GRIN2B: variants seen among roughly 807,000 people sequenced by gnomAD.
The protein encoded by GRIN2B is glutamate receptor ionotropic, NMDA 2B.
In GRIN2B, 5 loss-of-function variants were observed where a neutral mutation model predicts 114.5. The observed-to-expected ratio is 0.04, with a 90% CI of 0.02 to 0.09. GRIN2B has a LOEUF of 0.09. Among genes scored for constraint, GRIN2B ranks in the 10% least tolerant of loss-of-function variants. GRIN2B has a pLI of 1.00. For missense variants in GRIN2B, 1,108 were observed against 1,943.5 expected (o/e 0.57, Z 8.08); for synonymous variants, 787 against 745.1 (o/e 1.06, Z -0.92).
Position 13,870,286 on chromosome 12 carries a change from G to A in GRIN2B, c.-18-4060C>T, listed in dbSNP as rs958552028. ...GGGAATCAGTGGAGCTCAGCATATC[G>A]AAATCATGCCATGAATTCAGAAACC... On this transcript the variant is annotated intron_variant, in intron 2 of 13. Coordinates refer to ENST00000609686, the MANE Select transcript of GRIN2B (RefSeq NM_000834.5). Among the ~76,000 whole-genome samples the A allele has an allele frequency of 2.6e-5, 4 of 152,114 alleles. No individual in the cohort carries two copies. The South Asian group carries it at 6.2e-4, about 24-fold the overall frequency.
chr12:13,944,597 G>A (rs1867329816), intron 2 of GRIN2B, among the ~76,000 whole-genome samples: 1 of 152,082 alleles, frequency 6.6e-6, no homozygotes, highest in Non-Finnish European at 1.5e-5. Context: ...ACTTCCTCTA[G>A]TCCTCCCAAC....
rs1168197104 is a variant in GRIN2B at position 13,547,675 on chromosome 12, C to A, written c.*15108G>T. ...CCTAGGAGAAGCAGCTCTTTTCCAT[C>A]CAAAGGTGAACAGAAGACTCTGCAG... On this transcript the variant is annotated 3_prime_UTR_variant, in exon 14 of 14. Coordinates refer to ENST00000609686, the MANE Select transcript of GRIN2B (RefSeq NM_000834.5). 6.6e-6 allele frequency: 1 copy of A among 152,030 alleles called. No individual in the cohort carries two copies. Among genetic ancestry groups the A allele is most frequent in the Non-Finnish European group, 1.5e-5 (1 of 68,016 alleles). 9.4% of individuals were successfully genotyped at this position (152,030 alleles called of 1,614,324 possible).
At chr12:13,840,550 GGATTATA>G (rs1354772978) in intron 3 of GRIN2B, among the ~76,000 whole-genome samples, 1 of 151,850 alleles carries the variant, frequency 6.6e-6, no homozygotes. Context: ...TTACCTCACA[GGATTATA>G]GAAAAATAAA....
At chr12:13,936,950 G>A (rs1420541535) in intron 2 of GRIN2B, among the ~76,000 whole-genome samples, 1 of 151,910 alleles carries the variant, frequency 6.6e-6, no homozygotes, top group Non-Finnish European at 1.5e-5. Context: ...AGATGGCAGA[G>A]AGTTGGTGAA....
Position 13,571,827 on chromosome 12 carries a change from A to G in GRIN2B, c.2148T>C (p.Asp716=), listed in dbSNP as rs749565577. The change falls in exon 11 of 14, where the codon GAT becomes GAC. Residue 716 remains aspartate (D), a synonymous_variant. Transcript: ENST00000609686. ...ACCCTGTTTTCAGGGAGAGCAATGC[A>G]TCATCTACACCCCTCTGGTTGAACT... is the stretch of plus-strand genomic sequence containing the variant. ...MGKFNQRGVD[D]ALLSLKTGKL... 1 of 1,614,054 alleles carries G rather than the reference A, an allele frequency of 6.2e-7. No individual in the cohort carries two copies. Among genetic ancestry groups the G allele is most frequent in the East Asian group, 2.2e-5 (1 of 44,860 alleles).
At chr12:13,759,331 G>A (rs1863637647) in intron 3 of GRIN2B, among the ~76,000 whole-genome samples, 1 of 151,944 alleles carries the variant, frequency 6.6e-6, no homozygotes, top group Non-Finnish European at 1.5e-5. Context: ...TTATGCTGAT[G>A]GCACATATCT....
chr12:13,651,444 A>T (rs1047804019), intron 5 of GRIN2B, among the ~76,000 whole-genome samples: 1 of 152,112 alleles, frequency 6.6e-6, no homozygotes, highest in Non-Finnish European at 1.5e-5. Context: ...GGGAAAGAAA[A>T]ATATCTCAGT....
At chr12:13,757,455 G>T (rs1344674124) in intron 3 of GRIN2B, among the ~76,000 whole-genome samples, 3 of 152,104 alleles carry the variant, frequency 2.0e-5, no homozygotes, top group African/African-American at 7.3e-5. Flanking sequence ...ATCCATCTTT[G>T]CAGGCACCCA....
At position 13,633,960 on chromosome 12, in the gene GRIN2B, T is replaced by C. The variant is rs1949641369; in HGVS notation, c.1126-17303A>G. Among the ~76,000 whole-genome samples, 5 of 151,786 alleles carry C rather than the reference T, an allele frequency of 3.3e-5. 1 individual carries two copies. The South Asian group carries it at 1.0e-3, about 32-fold the overall frequency. ...GATGGAAGAGCTGGGTCACAGCAGA[T>C]AATCCATTTATGGATAATAAAAAAT... is the stretch of plus-strand genomic sequence containing the variant. On this transcript the variant is annotated intron_variant, in intron 5 of 13. Transcript: ENST00000609686.
chr12:13,916,972 T>A (rs1430791483), intron 2 of GRIN2B, among the ~76,000 whole-genome samples: 1 of 151,742 alleles, frequency 6.6e-6, no homozygotes, highest in African/African-American at 2.4e-5. Flanking sequence ...AATAGAAATA[T>A]GCCAGGCAAA....
chr12:13,899,776 T>C (rs1001350537), intron 2 of GRIN2B, among the ~76,000 whole-genome samples: 1 of 128,002 alleles, frequency 7.8e-6, no homozygotes, highest in African/African-American at 2.5e-5. Flanking sequence ...AAGACGTAGC[T>C]ATGGCCATGC....
intron 2 of GRIN2B, among the ~76,000 whole-genome samples, chr12:13,930,959 A>G (rs1357413288): frequency 1.3e-5 from 2 of 152,230 alleles, no homozygotes; most frequent in Non-Finnish European, 2.9e-5. Context: ...GTCAAAAAAA[A>G]GCAATGCAAC....
intron 4 of GRIN2B, among the ~76,000 whole-genome samples, chr12:13,715,409 G>A (rs1438278180): frequency 6.6e-6 from 1 of 151,772 alleles, no homozygotes. Context: ...AACTATAAAA[G>A]TTCTTAACAA....
chr12:13,774,669 T>C (rs1221826343), intron 3 of GRIN2B, among the ~76,000 whole-genome samples: 1 of 152,158 alleles, frequency 6.6e-6, no homozygotes, highest in African/African-American at 2.4e-5. Context: ...AGAGTTGTCA[T>C]TGAGGGACAT....
intron 3 of GRIN2B, among the ~76,000 whole-genome samples, chr12:13,864,186 T>G (rs1000699348): frequency 4.6e-5 from 7 of 152,230 alleles, no homozygotes; most frequent in African/African-American, 1.7e-4. Context: ...TACTGGAATG[T>G]CTTCACTTAA....
chr12:13,907,074 A>G (rs562546852), intron 2 of GRIN2B, among the ~76,000 whole-genome samples: 1 of 152,314 alleles, frequency 6.6e-6, no homozygotes, highest in East Asian at 1.9e-4. Context: ...CACAATTTCC[A>G]AAAATTTATT....
chr12:13,769,979 C>T (rs1863874719), intron 3 of GRIN2B, among the ~76,000 whole-genome samples: 1 of 152,202 alleles, frequency 6.6e-6, no homozygotes, highest in Non-Finnish European at 1.5e-5. Flanking sequence ...ATCTGAACTT[C>T]TATTTTGTTT....
intron 2 of GRIN2B, among the ~76,000 whole-genome samples, chr12:13,978,084 G>T (rs1863058784): frequency 6.6e-6 from 1 of 152,160 alleles, no homozygotes; most frequent in African/African-American, 2.4e-5. Flanking sequence ...GGACCTACTG[G>T]GTGTAGAGTA....
chr12:13,731,102 C>A (rs187519697), intron 4 of GRIN2B, among the ~76,000 whole-genome samples: 1 of 152,284 alleles, frequency 6.6e-6, no homozygotes, highest in Non-Finnish European at 1.5e-5. Flanking sequence ...GACAACTCAG[C>A]TTTTCTCAGC....
Sources: gnomAD v4.1 joint callset for allele counts (sites outside exome capture counted in the v4.1 genomes callset) on GRCh38, gnomAD v4.1.1 for gene constraint, MANE v1.5 for transcripts, NCBI Gene and HGNC (gene_info 2026-07-23, HGNC 2026-07-21) for gene names.